Variants in ARIH2 observed in about 807,000 individuals in gnomAD.
The protein encoded by ARIH2 is E3 ubiquitin-protein ligase ARIH2.
ARIH2 carries 12 observed loss-of-function variants against 79.8 expected under a neutral mutation model. The ratio of observed to expected loss-of-function variants is 0.15; its 90% confidence interval spans 0.10 to 0.24. ARIH2 has a LOEUF of 0.24. ARIH2 is among the 10% of genes least tolerant of loss of function. The pLI is 1.00. For missense variants in ARIH2, 301 were observed against 618.3 expected, an observed-to-expected ratio of 0.49 and a Z score of 5.44; for synonymous variants, 224 against 213.9, an observed-to-expected ratio of 1.05 and a Z score of -0.41.
intron 5 of ARIH2, among the ~76,000 whole-genome samples, chr3:48,966,038 C>G (rs2091763767): frequency 1.3e-5 from 2 of 152,136 alleles, no homozygotes; most frequent in South Asian, 2.1e-4. Context: ...CTAATTATAT[C>G]TATAAACTTT....
Position 48,927,769 on chromosome 3 carries a change from G to A in ARIH2, c.211G>A (p.Gly71Ser). The A allele has an allele frequency of 6.2e-7, 1 of 1,614,144 alleles. No individual in the cohort carries two copies. The highest frequency in any genetic ancestry group is 1.6e-4 in the Middle Eastern group (1 of 6,062). The change falls in exon 3 of 16, where the codon GGT becomes AGT. Residue 71 changes from glycine to serine, a missense_variant. Transcript: ENST00000356401. ...TTGCTTGACCTACAAGGAATCTGAGGGTGCCCTCAATGAGCACATGACCAG... is the reference window on the plus strand; with the variant it reads ...TTGCTTGACCTACAAGGAATCTGAGAGTGCCCTCAATGAGCACATGACCAG... ...FTCLTYKESE[G>S]ALNEHMTSLA...
chr3:48,976,829 C>T (rs1483336926), intron 11 of ARIH2, among the ~76,000 whole-genome samples: 1 of 151,800 alleles, frequency 6.6e-6, no homozygotes, highest in South Asian at 2.1e-4. Context: ...ACTTGAACCC[C>T]GGAGGTGGAG....
At chr3:48,958,302 CAA>C (rs1380431615) in intron 3 of ARIH2, among the ~76,000 whole-genome samples, 1 of 152,040 alleles carries the variant, frequency 6.6e-6, no homozygotes, top group Non-Finnish European at 1.5e-5. Flanking sequence ...ACCTGGACAA[CAA>C]AACAAGACCC....
chr3:48,922,665 A>G (rs2084978053), intron 1 of ARIH2, 83 bp from the exon 2 acceptor site: 1 of 152,154 alleles, frequency 6.6e-6, no homozygotes, highest in Non-Finnish European at 1.5e-5. Context: ...GTCCTTTAAA[A>G]TACCTTTGCT....
intron 5 of ARIH2, among the ~76,000 whole-genome samples, chr3:48,966,803 C>CT (rs1204252189): frequency 6.6e-6 from 1 of 152,174 alleles, no homozygotes; most frequent in Non-Finnish European, 1.5e-5. Context: ...TAAGTGACTT[C>CT]TAAGGACCTT....
In ARIH2 at chr3:48,956,439, C is replaced by CTTTTTT; in HGVS notation, c.256-5144_256-5139dup. Among the ~76,000 whole-genome samples the CTTTTTT allele has an allele frequency of 2.0e-3, 71 of 36,260 alleles. 13 individuals carry two copies. The highest frequency in any genetic ancestry group is 2.6e-3 in the Admixed American group (7 of 2,718). 23.8% of individuals were successfully genotyped at this position (36,260 alleles called of 152,430 possible). ...CAGACGTGAGCCACTGCGCCCGGCA[C>CTTTTTT]TTTTTTTTTTTTTTTTTTTTTTTTT... is the stretch of plus-strand genomic sequence containing the variant. On this transcript the variant is annotated intron_variant, in intron 3 of 15. Transcript: ENST00000356401.
At position 48,961,642 on chromosome 3, in the gene ARIH2, G is replaced by A; in HGVS notation, c.286G>A (p.Val96Ile). ...VSHSVAKLIL[V>I]NFHWQVSEIL... is the part of the protein sequence containing the mutation. ...TCATTCAGTTGCTAAACTTATATTA[G>A]TTAATTTCCACTGGCAAGTTTCAGA... is the stretch of plus-strand genomic sequence containing the variant. Residue 96 changes from valine to isoleucine, a missense_variant, in exon 4 of 16, where the codon GTT becomes ATT. Transcript: ENST00000356401. 6.2e-7 allele frequency: 1 copy of A among 1,610,314 alleles called. No individual in the cohort carries two copies.
chr3:48,923,640 A>G (rs894237586), intron 2 of ARIH2, among the ~76,000 whole-genome samples: 5 of 151,232 alleles, frequency 3.3e-5, no homozygotes, highest in African/African-American at 1.2e-4. Flanking sequence ...TCCTGCTTCA[A>G]CCTCCTGAGT....
At chr3:48,968,469 A>G (rs1164256102) in intron 6 of ARIH2, 65 bp from the exon 7 acceptor site, 2 of 1,542,778 alleles carry the variant, frequency 1.3e-6, no homozygotes, top group Non-Finnish European at 1.8e-6. Flanking sequence ...TTGGCCTCCC[A>G]AAGTGCTGGG....
At chr3:48,945,299 G>A (rs9864243) in intron 3 of ARIH2, 715,522 of 896,682 alleles carry the variant, frequency 0.8, 287,358 homozygotes, top group East Asian at 1. Context: ...GAGAGCTTCA[G>A]CCAGCTAGAG....
chr3:48,953,591 C>T (rs528977053), intron 3 of ARIH2, among the ~76,000 whole-genome samples: 5 of 151,710 alleles, frequency 3.3e-5, no homozygotes, highest in East Asian at 2.0e-4. Context: ...TTAGTAGAGA[C>T]GGGGTTTCAC....
At chr3:48,960,433 C>A (rs1386957768) in intron 3 of ARIH2, among the ~76,000 whole-genome samples, 1 of 150,368 alleles carries the variant, frequency 6.7e-6, no homozygotes, top group Non-Finnish European at 1.5e-5. Context: ...CCAGCCTAGA[C>A]AACCGTAGTG....
intron 3 of ARIH2, 52 bp from the exon 4 acceptor site, chr3:48,961,560 C>A: frequency 8.3e-7 from 1 of 1,198,272 alleles, no homozygotes; most frequent in Non-Finnish European, 1.2e-6. Context: ...ATGCGAAACA[C>A]TTTAAAAGAA....
At chr3:48,939,757 C>CAAAAAAAAAAAAAAAAAAAAAAAAA (rs1190260583) in intron 3 of ARIH2, among the ~76,000 whole-genome samples, 2 of 43,536 alleles carry the variant, frequency 4.6e-5, no homozygotes, top group Non-Finnish European at 1.3e-4. Flanking sequence ...GACTCCATCT[C>CAAAAAAAAAAAAAAAAAAAAAAAAA]AAAAAAAAAA....
intron 11 of ARIH2, among the ~76,000 whole-genome samples, chr3:48,978,246 C>T (rs2092607241): frequency 6.7e-6 from 1 of 149,500 alleles, no homozygotes; most frequent in African/African-American, 2.4e-5. Flanking sequence ...ATTTTTTGAA[C>T]ATATAGGGGA....
Position 48,979,545 on chromosome 3 carries a change from G to A in ARIH2, c.1025G>A (p.Arg342His), listed in dbSNP as rs756815478. 1 of 1,614,242 alleles carries A rather than the reference G, an allele frequency of 6.2e-7. No individual in the cohort carries two copies. The highest frequency in any genetic ancestry group is 8.5e-7 in the Non-Finnish European group (1 of 1,180,046). ...GGCAGTGAATACTATGAGTGCAGTC[G>A]TTACAAGGAGAATCCTGACATCGTG... The part of the protein sequence containing the change: ...THGSEYYECS[R>H]YKENPDIVNQ... The change falls in exon 12 of 16, where the codon CGT (arginine) becomes CAT (histidine). Residue 342 changes from arginine (R) to histidine (H), a missense_variant. Around this residue, in one of 2 missense-constraint regions of ARIH2, gnomAD observed 78 missense variants for 268.9 expected, o/e 0.29. Transcript: ENST00000356401.
At chr3:48,969,019 G>A (rs1209878463) in intron 7 of ARIH2, among the ~76,000 whole-genome samples, 2 of 152,122 alleles carry the variant, frequency 1.3e-5, no homozygotes, top group Non-Finnish European at 2.9e-5. Flanking sequence ...GAGTAGCTGG[G>A]ACTACAGGCA....
rs527505927 is a variant in ARIH2, at chr3:48,939,697, G to A, written c.255+11884G>A. On this transcript the variant is annotated intron_variant, in intron 3 of 15. Transcript: ENST00000356401. ...GGCGTGAACCTGGGAGGAGGAGCTTGCAGTGAGCCGAGATTGTGCCACTGC... is the reference window on the plus strand; with the variant it reads ...GGCGTGAACCTGGGAGGAGGAGCTTACAGTGAGCCGAGATTGTGCCACTGC... Among the ~76,000 whole-genome samples the A allele has an allele frequency of 6.9e-5, 10 of 144,652 alleles. No individual in the cohort carries two copies. In the East Asian group the frequency reaches 2.1e-3, roughly 30 times the overall value. 94.9% of individuals were successfully genotyped at this position (144,652 alleles called of 152,430 possible).
At chr3:48,919,563 C>T (rs1040103359) in intron 1 of ARIH2, among the ~76,000 whole-genome samples, 3 of 152,252 alleles carry the variant, frequency 2.0e-5, no homozygotes, top group Non-Finnish European at 4.4e-5. Context: ...AACTTTCTGT[C>T]ATAGCGACAT....
Sources: allele counts gnomAD v4.1 joint callset (sites outside exome capture counted in the v4.1 genomes callset), GRCh38; gene constraint gnomAD v4.1.1; regional missense constraint gnomAD v4.1.1; transcripts MANE v1.5; gene names NCBI Gene and HGNC (gene_info 2026-07-23, HGNC 2026-07-21).